The following SLC7A5 variants were observed in gnomAD, a reference collection of about 807,000 sequenced individuals.
SLC7A5 encodes the protein solute carrier family 7 member 5.
SLC7A5 carries 23 observed loss-of-function variants against 50.2 expected under a neutral mutation model. The ratio of observed to expected loss-of-function variants is 0.46; its 90% CI spans 0.33 to 0.65. SLC7A5 has a LOEUF of 0.65. SLC7A5 is among the 30% of genes least tolerant of loss of function. The pLI, the probability that SLC7A5 is intolerant of heterozygous loss-of-function variation, is 0.02. For synonymous variants in SLC7A5, 393 were observed against 330.6 expected, an observed-to-expected ratio of 1.19 and a Z score of -2.05; for missense variants, 578 against 684.4, an observed-to-expected ratio of 0.84 and a Z score of 1.73.
chr16:87,865,963 G>A lies in SLC7A5; in HGVS notation c.538+2922C>T, dbSNP rs182458883. ...TTAAACCCAGGAAGCAGAGGTTGCA[G>A]TGAGCAACGAGCCTGGGCAACAGAC... On this transcript the variant is annotated intron_variant, in intron 1 of 9. Coordinates refer to ENST00000261622, the MANE Select transcript of SLC7A5 (RefSeq NM_003486.7). Among the ~76,000 whole-genome samples the A allele has an allele frequency of 2.7e-3, 416 of 152,320 alleles. 1 individual carries two copies. The highest frequency in any genetic ancestry group is 9.3e-3 in the African/African-American group (388 of 41,556).
At position 87,852,643 on chromosome 16, in the gene SLC7A5, T is replaced by TGTGTGTGTGC. The variant is rs1567496989; in HGVS notation, c.539-795_539-794insGCACACACAC. 2.1e-5 allele frequency among the ~76,000 whole-genome samples: 2 copies of TGTGTGTGTGC among 94,616 alleles called. No individual in the cohort carries two copies. Among genetic ancestry groups the TGTGTGTGTGC allele is most frequent in the Non-Finnish European group, 4.0e-5 (2 of 49,906 alleles). 62.1% of individuals were successfully genotyped at this position (94,616 alleles called of 152,430 possible). A position where few individuals can be genotyped will look rare whatever the true frequency, so the allele number is the denominator to read the frequency against. ...AGGCACCCAGCTCTGAGCCTCTGTG[T>TGTGTGTGTGC]GTGTGTGTGTGTGTGTGTGTGTGTG... On this transcript the variant is annotated intron_variant, in intron 1 of 9. Transcript: ENST00000261622. The surrounding 1 kb of genome is among the most constrained non-coding windows in gnomAD (Gnocchi z 4.5).
In SLC7A5 at chr16:87,832,340, T is replaced by C. The variant is rs1320412495; in HGVS notation, c.*630A>G. ...GGCTAGGATTATGGTCAGGAGTCCA[T>C]CGGGGCCTCAAGCACCTCCTGGGAG... On this transcript the variant is annotated 3_prime_UTR_variant, in exon 10 of 10. Transcript: ENST00000261622. This position sits in a 1 kb window ranked among gnomAD's most constrained non-coding sequence, Gnocchi z 4.6. 6.6e-6 allele frequency: 1 copy of C among 152,152 alleles called. No homozygotes were observed. Among genetic ancestry groups the C allele is most frequent in the Non-Finnish European group, 1.5e-5 (1 of 68,074 alleles). The allele number at this position is 152,152 out of a possible 1,614,324, so 9.4% of individuals were successfully genotyped here. A position where few individuals can be genotyped will look rare whatever the true frequency, so the allele number is the denominator to read the frequency against.
intron 2 of SLC7A5, among the ~76,000 whole-genome samples, chr16:87,844,354 C>T (rs1049197575): frequency 5.9e-5 from 9 of 152,240 alleles, no homozygotes; most frequent in Middle Eastern, 3.4e-3. Flanking sequence ...GCGGTGGGAA[C>T]GAGCGCTCCA....
intron 2 of SLC7A5, among the ~76,000 whole-genome samples, chr16:87,847,505 C>A (rs2055168792): frequency 1.3e-5 from 2 of 152,206 alleles, no homozygotes; most frequent in Non-Finnish European, 2.9e-5. Context: ...GCTCAGAGAC[C>A]AGTCTGAAAA....
chr16:87,831,090 C>T lies in SLC7A5; in HGVS notation c.*1880G>A, dbSNP rs148106276. 286 of 152,382 alleles carry T rather than the reference C, an allele frequency of 1.9e-3. 6 individuals carry two copies. The East Asian group carries it at 0.034, about 18-fold the overall frequency. 9.4% of individuals were successfully genotyped at this position (152,382 alleles called of 1,614,324 possible). A position where few individuals can be genotyped will look rare whatever the true frequency, so the allele number is the denominator to read the frequency against. ...ATGCACCAGGCAGGTGGGGCACCAGCTGCTGTCCTTATTTGCAGCCAAGAG... is the reference window on the plus strand; with the variant it reads ...ATGCACCAGGCAGGTGGGGCACCAGTTGCTGTCCTTATTTGCAGCCAAGAG... On this transcript the variant is annotated 3_prime_UTR_variant, in exon 10 of 10. Transcript: ENST00000261622.
Position 87,833,780 on chromosome 16 carries a change from G to A in SLC7A5, c.1468+634C>T, listed in dbSNP as rs910907697. On this transcript the variant is annotated intron_variant, in intron 9 of 9. Transcript: ENST00000261622. This position sits in a 1 kb window ranked among gnomAD's most constrained non-coding sequence, Gnocchi z 6.0. Reference sequence around the variant, plus strand: ...GCCACATTTGCAGGCGCTGAGGACGGGGTCCTGAGCTTGGTGACAAAGCAC... The same window carrying A: ...GCCACATTTGCAGGCGCTGAGGACGAGGTCCTGAGCTTGGTGACAAAGCAC... 1.3e-5 allele frequency among the ~76,000 whole-genome samples: 2 copies of A among 151,996 alleles called. No homozygotes were observed. The highest frequency in any genetic ancestry group is 2.9e-5 in the Non-Finnish European group (2 of 68,000).
At chr16:87,867,075 C>G (rs1415356943) in intron 1 of SLC7A5, among the ~76,000 whole-genome samples, 1 of 151,934 alleles carries the variant, frequency 6.6e-6, no homozygotes, top group Admixed American at 6.6e-5. Flanking sequence ...GTGAGCCACT[C>G]TGCCCGGCTA....
chr16:87,855,624 A>G (rs1405336864), intron 1 of SLC7A5, among the ~76,000 whole-genome samples: 9 of 152,010 alleles, frequency 5.9e-5, no homozygotes, highest in African/African-American at 2.2e-4. Flanking sequence ...ACCTCCCCTG[A>G]TGCTGGCATC....
intron 1 of SLC7A5, among the ~76,000 whole-genome samples, chr16:87,865,405 G>T (rs1222206867): frequency 2.0e-5 from 3 of 152,146 alleles, no homozygotes; most frequent in Admixed American, 6.5e-5. Context: ...GGACCAAAAG[G>T]ACTGCTTGGA....
Position 87,862,851 on chromosome 16 carries a change from T to C in SLC7A5, c.538+6034A>G, listed in dbSNP as rs147376379. Among the ~76,000 whole-genome samples, 961 of 152,348 alleles carry C rather than the reference T, an allele frequency of 6.3e-3. 8 individuals are homozygous for C. Among genetic ancestry groups the C allele is most frequent in the African/African-American group, 0.02 (841 of 41,580 alleles). ...GACAGTGTCTCAGCTCACAGGTTCCTAAACGCATACCCGCCCACACCAATC... is the reference window on the plus strand; with the variant it reads ...GACAGTGTCTCAGCTCACAGGTTCCCAAACGCATACCCGCCCACACCAATC... On this transcript the variant is annotated intron_variant, in intron 1 of 9. Coordinates refer to ENST00000261622, the MANE Select transcript of SLC7A5 (RefSeq NM_003486.7). The surrounding 1 kb of genome is among the most constrained non-coding windows in gnomAD (Gnocchi z 5.3).
rs910755179 is a variant in SLC7A5 at position 87,845,823 on chromosome 16, G to C, written c.665-4668C>G. ...TGAGAACTGTCCCCAGCACAGGGCT[G>C]TGGCTGCCCTGGCCTCTGTCCATGC... On this transcript the variant is annotated intron_variant, in intron 2 of 9. Coordinates refer to ENST00000261622, the MANE Select transcript of SLC7A5 (RefSeq NM_003486.7). Among the ~76,000 whole-genome samples the C allele has an allele frequency of 4.6e-5, 7 of 152,312 alleles. No individual in the cohort carries two copies. The East Asian group carries it at 1.4e-3, about 29-fold the overall frequency.
rs1382046795 is a variant in SLC7A5, at chr16:87,862,396, C to G, written c.538+6489G>C. Among the ~76,000 whole-genome samples the G allele has an allele frequency of 6.6e-6, 1 of 152,222 alleles. No homozygotes were observed. Among genetic ancestry groups the G allele is most frequent in the Non-Finnish European group, 1.5e-5 (1 of 68,036 alleles). On this transcript the variant is annotated intron_variant, in intron 1 of 9. Transcript: ENST00000261622. This position sits in a 1 kb window ranked among gnomAD's most constrained non-coding sequence, Gnocchi z 5.3. ...CAGCCATCAAAACCCACCCCTTACA[C>G]CCTTCACCCTTTAGGGAGGGGCTCA... is the stretch of plus-strand genomic sequence containing the variant.
chr16:87,848,035 CA>C (rs1485065283), intron 2 of SLC7A5, among the ~76,000 whole-genome samples: 1 of 152,188 alleles, frequency 6.6e-6, no homozygotes, highest in East Asian at 1.9e-4. Flanking sequence ...GAGCCCTGCC[CA>C]GGGGAAGCAT....
rs1047688965 is a variant in SLC7A5, at chr16:87,846,276, C to T, written c.665-5121G>A. Among the ~76,000 whole-genome samples the T allele has an allele frequency of 2.4e-4, 37 of 152,260 alleles. 1 individual carries two copies. The highest frequency in any genetic ancestry group is 1.5e-5 in the Non-Finnish European group (1 of 68,048). On this transcript the variant is annotated intron_variant, in intron 2 of 9. Transcript: ENST00000261622. Reference sequence around the variant, plus strand: ...CAGAGAGATGCCCTGGAGTCCCCCACAGGCAGGCCAGCCTGGAAGCTTCTC... The same window carrying T: ...CAGAGAGATGCCCTGGAGTCCCCCATAGGCAGGCCAGCCTGGAAGCTTCTC...
chr16:87,867,258 G>A (rs1341038919), intron 1 of SLC7A5, among the ~76,000 whole-genome samples: 2 of 152,218 alleles, frequency 1.3e-5, no homozygotes, highest in African/African-American at 4.8e-5. Context: ...AGTGCAGGCT[G>A]CGTAAGCTAC....
In SLC7A5 at chr16:87,869,469, G is replaced by C. The variant is rs2055507253; in HGVS notation, c.-47C>G. 4.8e-6 allele frequency: 6 copies of C among 1,248,642 alleles called. No individual in the cohort carries two copies. Among genetic ancestry groups the C allele is most frequent in the Non-Finnish European group, 6.0e-6 (6 of 999,432 alleles). 77.3% of individuals were successfully genotyped at this position (1,248,642 alleles called of 1,614,324 possible). On this transcript the variant is annotated 5_prime_UTR_variant, in exon 1 of 10. Coordinates refer to ENST00000261622, the MANE Select transcript of SLC7A5 (RefSeq NM_003486.7). Reference sequence around the variant, plus strand: ...TGGGACACCCGGGAGCCGCGGCCCAGCGAGCAGTGTGCGCGCCGCCCGCCG... The same window carrying C: ...TGGGACACCCGGGAGCCGCGGCCCACCGAGCAGTGTGCGCGCCGCCCGCCG...
At chr16:87,836,863 G>C in intron 7 of SLC7A5, 1 of 572,898 alleles carries the variant, frequency 1.7e-6, no homozygotes, top group Non-Finnish European at 3.2e-6. Flanking sequence ...GCGGGGAGGA[G>C]GGAAGGAGGG....
At chr16:87,851,289 G>A (rs79037526) in intron 2 of SLC7A5, among the ~76,000 whole-genome samples, 1,935 of 152,278 alleles carry the variant, frequency 0.013, 44 homozygotes, top group African/African-American at 0.044. Flanking sequence ...ATGACCAGGA[G>A]CATGGCCCCG....
At chr16:87,849,303 T>G (rs2055190763) in intron 2 of SLC7A5, among the ~76,000 whole-genome samples, 1 of 152,130 alleles carries the variant, frequency 6.6e-6, no homozygotes, top group Non-Finnish European at 1.5e-5. Context: ...AGCAAGGCAT[T>G]CATCTGGTAA....
Sources: allele counts gnomAD v4.1 joint callset (sites outside exome capture counted in the v4.1 genomes callset), GRCh38; gene constraint gnomAD v4.1.1; non-coding constraint Gnocchi (gnomAD v3.1); transcripts MANE v1.5; gene names NCBI Gene and HGNC (gene_info 2026-07-23, HGNC 2026-07-21).